The following GRK3 variants were observed in gnomAD, a reference collection of about 807,000 sequenced individuals.
GRK3 encodes G protein-coupled receptor kinase 3.
GRK3 carries 54 observed loss-of-function variants against 95.7 expected under a neutral mutation model. The ratio of observed to expected loss-of-function variants is 0.56; its 90% CI spans 0.45 to 0.71. The LOEUF (loss-of-function observed/expected upper bound fraction) is 0.71. GRK3 is among the 30% of genes least tolerant of loss of function. The pLI, the probability that GRK3 is intolerant of heterozygous loss-of-function variation, is 0.00. For synonymous variants in GRK3, 281 were observed against 290.8 expected, an observed-to-expected ratio of 0.97 and a Z score of 0.34; for missense variants, 649 against 851.2, an observed-to-expected ratio of 0.76 and a Z score of 2.96.
intron 7 of GRK3, among the ~76,000 whole-genome samples, chr22:25,673,389 G>C (rs1465586401): frequency 6.6e-6 from 1 of 150,664 alleles, no homozygotes; most frequent in East Asian, 1.9e-4. Context: ...AAAAATACTT[G>C]ATCTTCACTA....
At chr22:25,622,477 C>T (rs967977447) in intron 2 of GRK3, among the ~76,000 whole-genome samples, 3 of 152,134 alleles carry the variant, frequency 2.0e-5, no homozygotes, top group Admixed American at 6.5e-5. Context: ...GGAGCAGCGT[C>T]GTCATCAGCC....
chr22:25,708,743 C>T (rs2085320388), intron 15 of GRK3, among the ~76,000 whole-genome samples: 1 of 151,676 alleles, frequency 6.6e-6, no homozygotes, highest in African/African-American at 2.4e-5. Flanking sequence ...CTCACTGCAA[C>T]CTCCACCTCC....
intron 1 of GRK3, among the ~76,000 whole-genome samples, chr22:25,582,771 C>T (rs556278819): frequency 6.6e-6 from 1 of 152,162 alleles, no homozygotes; most frequent in East Asian, 1.9e-4. Flanking sequence ...GCCATAATTC[C>T]TCCACATTAT....
intron 13 of GRK3, 112 bp downstream of exon 13, chr22:25,695,326 G>T: frequency 1.4e-6 from 1 of 734,242 alleles, no homozygotes; most frequent in Admixed American, 2.4e-5. Flanking sequence ...ATCACACAGT[G>T]ATCTTTAAGC....
chr22:25,605,468 C>T (rs1272904583), intron 2 of GRK3, among the ~76,000 whole-genome samples: 8 of 152,104 alleles, frequency 5.3e-5, no homozygotes, highest in Non-Finnish European at 1.2e-4. Context: ...AAATAAAACT[C>T]ATGATAACAA....
Position 25,687,623 on chromosome 22 carries a change from C to T in GRK3, c.913C>T (p.Leu305=). 6.2e-7 allele frequency: 1 copy of T among 1,614,114 alleles called. No homozygotes were observed. The highest frequency in any genetic ancestry group is 1.7e-5 in the Admixed American group (1 of 60,022). Residue 305 remains leucine (L), a synonymous_variant, in exon 11 of 21, where the codon CTG becomes TTG. Coordinates refer to ENST00000324198, the MANE Select transcript of GRK3 (RefSeq NM_005160.4). ...RFYATEIILG[L]EHMHNRFVVY... Reference sequence around the variant, plus strand: ...TTATGCCACTGAAATCATTCTGGGTCTGGAACACATGCACAATCGGTTTGT... The same window carrying T: ...TTATGCCACTGAAATCATTCTGGGTTTGGAACACATGCACAATCGGTTTGT...
intron 2 of GRK3, among the ~76,000 whole-genome samples, chr22:25,629,078 A>T (rs76765634): frequency 0.022 from 3,411 of 152,314 alleles, 63 homozygotes; most frequent in Middle Eastern, 0.068. Context: ...TAAAATAAAA[A>T]CAAATCATTG....
intron 2 of GRK3, among the ~76,000 whole-genome samples, chr22:25,631,475 G>A (rs1174456632): frequency 3.9e-5 from 6 of 152,224 alleles, no homozygotes. Context: ...TACAGCCACT[G>A]TGAGGGAACA....
intron 2 of GRK3, among the ~76,000 whole-genome samples, chr22:25,617,612 C>T (rs1469267642): frequency 6.6e-6 from 1 of 152,220 alleles, no homozygotes; most frequent in Non-Finnish European, 1.5e-5. Context: ...CCCACCCCAG[C>T]CCTGGGCAGC....
At position 25,711,178 on chromosome 22, in the gene GRK3, A is replaced by G. The variant is rs544668655; in HGVS notation, c.1491+15A>G. On this transcript the variant is annotated intron_variant, in intron 17 of 20. Coordinates refer to ENST00000324198, the MANE Select transcript of GRK3 (RefSeq NM_005160.4). The stretch of plus-strand genomic sequence containing the variant: ...AAGGGATTAAGGTACACATGTGATC[A>G]TTTATTTCTTTATTTTTATTTTTGG... 200 of 1,524,798 alleles carry G rather than the reference A, an allele frequency of 1.3e-4. 6 individuals are homozygous for G. In the South Asian group the frequency reaches 2.3e-3, roughly 18 times the overall value. 94.5% of individuals were successfully genotyped at this position (1,524,798 alleles called of 1,614,324 possible).
chr22:25,712,550 A>T (rs1332070881), intron 17 of GRK3, among the ~76,000 whole-genome samples: 1 of 152,294 alleles, frequency 6.6e-6, no homozygotes, highest in Non-Finnish European at 1.5e-5. Context: ...TTTAATGTTA[A>T]AAAGAGATGA....
intron 14 of GRK3, 98 bp downstream of exon 14, chr22:25,703,674 A>G (rs1224442946): frequency 1.5e-5 from 14 of 924,612 alleles, no homozygotes; most frequent in Non-Finnish European, 2.1e-5. Flanking sequence ...TGTTATAGGA[A>G]ATATAAAATT....
intron 1 of GRK3, among the ~76,000 whole-genome samples, chr22:25,566,064 G>GA (rs1931468748): frequency 6.6e-6 from 1 of 152,024 alleles, no homozygotes; most frequent in Admixed American, 6.5e-5. Flanking sequence ...CACTTCCCCA[G>GA]AAAAAATAGT....
chr22:25,682,984 C>A (rs1354852470), intron 9 of GRK3, among the ~76,000 whole-genome samples: 1 of 152,252 alleles, frequency 6.6e-6, no homozygotes. Flanking sequence ...GTGTTGCCCA[C>A]GGCTGTAACT....
In GRK3 at chr22:25,564,721, C is replaced by T. The variant is rs1398545568; in HGVS notation, c.-320C>T. The T allele has an allele frequency of 6.6e-6, 1 of 151,534 alleles. No individual in the cohort carries two copies. The highest frequency in any genetic ancestry group is 1.5e-5 in the Non-Finnish European group (1 of 67,828). 9.4% of individuals were successfully genotyped at this position (151,534 alleles called of 1,614,324 possible). On this transcript the variant is annotated 5_prime_UTR_variant, in exon 1 of 21. Coordinates refer to ENST00000324198, the MANE Select transcript of GRK3 (RefSeq NM_005160.4). The stretch of plus-strand genomic sequence containing the variant: ...CCAGCGAGGCCGCTGGGACTGTGCA[C>T]TGAGGGGCGCTGACCGTTGGACGCG...
At chr22:25,661,737 G>A (rs1008018768) in intron 4 of GRK3, 60 bp downstream of exon 4, 37 of 1,090,730 alleles carry the variant, frequency 3.4e-5, no homozygotes, top group South Asian at 9.1e-5. Context: ...CATGTTCAGC[G>A]TTTCCAGAAT....
intron 12 of GRK3, among the ~76,000 whole-genome samples, chr22:25,693,774 C>CT (rs542086916): frequency 0.06 from 6,715 of 112,718 alleles, 344 homozygotes; most frequent in Non-Finnish European, 0.083. Context: ...GTTAAAAATT[C>CT]TTTTTTTTTT....
At chr22:25,573,163 C>T (rs559420123) in intron 1 of GRK3, among the ~76,000 whole-genome samples, 1 of 152,334 alleles carries the variant, frequency 6.6e-6, no homozygotes, top group South Asian at 2.1e-4. Flanking sequence ...GTCCCCAGCT[C>T]CTTTACTTAT....
chr22:25,695,033 C>T (rs759589456), intron 12 of GRK3, 74 bp from the exon 13 acceptor site: 50 of 1,050,114 alleles, frequency 4.8e-5, no homozygotes, highest in Middle Eastern at 2.4e-4. Context: ...GAAGGACACC[C>T]GGACCTTGGG....
Sources: gnomAD v4.1 joint callset for allele counts (sites outside exome capture counted in the v4.1 genomes callset) on GRCh38, gnomAD v4.1.1 for gene constraint, MANE v1.5 for transcripts, NCBI Gene and HGNC (gene_info 2026-07-23, HGNC 2026-07-21) for gene names.